Variants in PIK3C2A observed in about 807,000 individuals in gnomAD.
PIK3C2A encodes phosphatidylinositol-4-phosphate 3-kinase catalytic subunit type 2 alpha, also known as phosphatidylinositol 4-phosphate 3-kinase C2 domain-containing subunit alpha.
Under a neutral mutation model 204.5 loss-of-function variants are expected in PIK3C2A, and 97 were observed. The observed-to-expected ratio is 0.47, with a 90% confidence interval of 0.40 to 0.56. The LOEUF (loss-of-function observed/expected upper bound fraction) is 0.56. Ranked by LOEUF, PIK3C2A falls within the 20% of genes least tolerant of loss-of-function variation. The pLI is 0.00. For missense variants in PIK3C2A, 1,735 were observed against 1,969.2 expected, an observed-to-expected ratio of 0.88 and a Z score of 2.25; for synonymous variants, 653 against 664.4, an observed-to-expected ratio of 0.98 and a Z score of 0.26.
chr11:17,183,554 G>C (rs1851641314), intron 1 of PIK3C2A, among the ~76,000 whole-genome samples: 1 of 152,016 alleles, frequency 6.6e-6, no homozygotes, highest in African/African-American at 2.4e-5. Flanking sequence ...GGTGGCACAC[G>C]TCTGTGATCC....
chr11:17,191,633 T>C (rs776521922), intron 1 of PIK3C2A, among the ~76,000 whole-genome samples: 1 of 152,106 alleles, frequency 6.6e-6, no homozygotes, highest in Non-Finnish European at 1.5e-5. Context: ...ACCATGAACA[T>C]AATAGCTCTT....
chr11:17,105,050 C>CT, intron 23 of PIK3C2A, 119 bp downstream of exon 23: 1 of 723,424 alleles, frequency 1.4e-6, no homozygotes. Flanking sequence ...AAAAGATGCT[C>CT]TTTTCCTGAC....
Position 17,134,812 on chromosome 11 carries a change from T to C in PIK3C2A, c.2108+7A>G, listed in dbSNP as rs190343362. The C allele has an allele frequency of 6.2e-7, 1 of 1,604,482 alleles. No individual in the cohort carries two copies. Among genetic ancestry groups the C allele is most frequent in the Non-Finnish European group, 8.5e-7 (1 of 1,171,180 alleles). ...CACCATGCCTGGCTGCTTAAACAGT[T>C]ACTTACTTTGATACCCAATTACTTG... On this transcript the variant is annotated splice_region_variant and intron_variant, in intron 11 of 32. Coordinates refer to ENST00000691414, the MANE Select transcript of PIK3C2A (RefSeq NM_002645.4).
At chr11:17,129,562 T>C (rs768873345) in intron 12 of PIK3C2A, 95 bp from the exon 13 acceptor site, 3 of 754,930 alleles carry the variant, frequency 4.0e-6, no homozygotes, top group Non-Finnish European at 6.6e-6. Flanking sequence ...GTATTGTATT[T>C]AACCTTTCAA....
rs78969818 is a variant in PIK3C2A at position 17,104,585 on chromosome 11, C to T, written c.3681+584G>A. ...CTAAAAATACAAAAAATTGCCTGGG[C>T]GTGGTGGTGGGCGCCTGTAGCCCCA... On this transcript the variant is annotated intron_variant, in intron 23 of 32. Transcript: ENST00000691414. 1.1e-3 allele frequency among the ~76,000 whole-genome samples: 167 copies of T among 151,956 alleles called. 1 individual carries two copies. Among genetic ancestry groups the T allele is most frequent in the African/African-American group, 3.5e-3 (144 of 41,438 alleles).
chr11:17,089,681 A>G lies in PIK3C2A; in HGVS notation c.*57T>C. The stretch of plus-strand genomic sequence containing the variant: ...TGTGTGTGTGTCTGTGTGTGTGTGC[A>G]TGTATGCATGCACGTTTATAACTGT... On this transcript the variant is annotated 3_prime_UTR_variant, in exon 33 of 33. Transcript: ENST00000691414. 9.8e-7 allele frequency: 1 copy of G among 1,023,344 alleles called. No homozygotes were observed. The highest frequency in any genetic ancestry group is 1.4e-5 in the South Asian group (1 of 71,288). 63.4% of individuals were successfully genotyped at this position (1,023,344 alleles called of 1,614,324 possible). A position where few individuals can be genotyped will look rare whatever the true frequency, so the allele number is the denominator to read the frequency against.
chr11:17,148,649 G>A lies in PIK3C2A; in HGVS notation c.1448+18C>T, dbSNP rs896831167. Reference sequence around the variant, plus strand: ...ATGAAATTTCCAAGGATGTTGCTCAGTAGTTAAATAAACTTACTTCTGCAG... The same window carrying A: ...ATGAAATTTCCAAGGATGTTGCTCAATAGTTAAATAAACTTACTTCTGCAG... On this transcript the variant is annotated intron_variant, in intron 5 of 32. Coordinates refer to ENST00000691414, the MANE Select transcript of PIK3C2A (RefSeq NM_002645.4). 4.4e-6 allele frequency: 7 copies of A among 1,609,136 alleles called. No individual in the cohort carries two copies. The African/African-American group carries it at 5.4e-5, about 12-fold the overall frequency.
At position 17,119,321 on chromosome 11, in the gene PIK3C2A, AT is replaced by A; in HGVS notation, c.2847-9del. 1 of 1,544,382 alleles carries A rather than the reference AT, an allele frequency of 6.5e-7. No individual in the cohort carries two copies. Among genetic ancestry groups the A allele is most frequent in the Non-Finnish European group, 8.9e-7 (1 of 1,118,234 alleles). Reference sequence around the variant, plus strand: ...ACTTCCTGATCAGCAAATCTAGAAGATTACCATAAAACCAAGATTGGACAGT... The same window carrying A: ...ACTTCCTGATCAGCAAATCTAGAAGATACCATAAAACCAAGATTGGACAGT... On this transcript the variant is annotated splice_polypyrimidine_tract_variant and intron_variant, in intron 16 of 32. Coordinates refer to ENST00000691414, the MANE Select transcript of PIK3C2A (RefSeq NM_002645.4).
chr11:17,090,166 A>C (rs1247627412), intron 32 of PIK3C2A, among the ~76,000 whole-genome samples: 1 of 152,210 alleles, frequency 6.6e-6, no homozygotes, highest in Non-Finnish European at 1.5e-5. Flanking sequence ...ACTAATCATT[A>C]GCTAAAAAAT....
intron 1 of PIK3C2A, among the ~76,000 whole-genome samples, chr11:17,187,620 A>G (rs1463371607): frequency 6.6e-6 from 1 of 152,140 alleles, no homozygotes; most frequent in Non-Finnish European, 1.5e-5. Context: ...AAACTAAAAG[A>G]AAAGTAAGGA....
intron 2 of PIK3C2A, among the ~76,000 whole-genome samples, chr11:17,159,562 C>G (rs180847411): frequency 6.6e-6 from 1 of 152,312 alleles, no homozygotes; most frequent in East Asian, 1.9e-4. Flanking sequence ...ACAGGGAACT[C>G]ACTCTCTCTG....
chr11:17,105,687 G>T (rs1324502756), intron 22 of PIK3C2A, among the ~76,000 whole-genome samples: 3 of 152,124 alleles, frequency 2.0e-5, no homozygotes, highest in African/African-American at 7.2e-5. Flanking sequence ...GAGAATGATG[G>T]CTTCCAGCTT....
chr11:17,191,093 A>C (rs1199445538), intron 1 of PIK3C2A, among the ~76,000 whole-genome samples: 1 of 152,248 alleles, frequency 6.6e-6, no homozygotes, highest in Non-Finnish European at 1.5e-5. Context: ...TTATTAATAC[A>C]TGGAGTTAGG....
At position 17,122,189 on chromosome 11, in the gene PIK3C2A, C is replaced by T. The variant is rs1849387283; in HGVS notation, c.2656G>A (p.Gly886Arg). The T allele has an allele frequency of 1.3e-6, 2 of 1,580,326 alleles. No individual in the cohort carries two copies. The highest frequency in any genetic ancestry group is 8.7e-7 in the Non-Finnish European group (1 of 1,152,856). ...CAAAACAGAATAAACAGAACATACC[C>T]AAGTGATGAGTCTTTATGAAGAATA... ...LDILHKDSSL[G>R]LSKEDKAFLW... Residue 886 changes from glycine to arginine, a missense_variant and splice_region_variant, in exon 15 of 33, where the codon GGA becomes AGA. Gly to Arg is a moderately radical substitution (Grantham distance 125). Around this residue, in one of 6 missense-constraint regions of PIK3C2A, gnomAD observed 567 missense variants for 576.0 expected, o/e 0.98. Transcript: ENST00000691414.
At chr11:17,179,413 G>A (rs1851457136) in intron 1 of PIK3C2A, among the ~76,000 whole-genome samples, 1 of 151,538 alleles carries the variant, frequency 6.6e-6, no homozygotes, top group Admixed American at 6.6e-5. Flanking sequence ...CCTCTCACCT[G>A]AGCCTCCCAA....
intron 2 of PIK3C2A, 91 bp from the exon 3 acceptor site, chr11:17,155,720 T>G (rs1202470822): frequency 1.5e-6 from 1 of 657,006 alleles, no homozygotes; most frequent in Non-Finnish European, 2.7e-6. Flanking sequence ...TATGAAAATA[T>G]GTACAAAGCA....
intron 1 of PIK3C2A, among the ~76,000 whole-genome samples, chr11:17,179,848 A>G (rs1267767205): frequency 2.0e-5 from 3 of 152,066 alleles, no homozygotes; most frequent in East Asian, 3.9e-4. Context: ...TCCTAGCCCT[A>G]CGTGATCTCA....
chr11:17,097,798 C>T (rs1335047915), intron 26 of PIK3C2A, among the ~76,000 whole-genome samples: 1 of 152,154 alleles, frequency 6.6e-6, no homozygotes, highest in African/African-American at 2.4e-5. Flanking sequence ...CCTATAATCC[C>T]AGCTACTCGG....
At chr11:17,196,791 C>T (rs1173199343) in intron 1 of PIK3C2A, among the ~76,000 whole-genome samples, 2 of 151,948 alleles carry the variant, frequency 1.3e-5, no homozygotes, top group Admixed American at 6.6e-5. Flanking sequence ...AGGATGGTCT[C>T]GATCTCCTGA....
Sources: allele counts gnomAD v4.1 joint callset (sites outside exome capture counted in the v4.1 genomes callset), GRCh38; gene constraint gnomAD v4.1.1; regional missense constraint gnomAD v4.1.1; transcripts MANE v1.5; gene names NCBI Gene and HGNC (gene_info 2026-07-23, HGNC 2026-07-21).